ITSN1: variants seen among roughly 807,000 people sequenced by gnomAD.
The protein encoded by ITSN1 is intersectin 1.
A neutral mutation model predicts 239.8 loss-of-function variants in ITSN1; 58 were observed. The observed-to-expected ratio is 0.24, with a 90% confidence interval of 0.20 to 0.30. The LOEUF (loss-of-function observed/expected upper bound fraction) is 0.30, where lower values mean the gene tolerates loss of function less well. Ranked by LOEUF, ITSN1 falls within the 10% of genes least tolerant of loss-of-function variation. The pLI, the probability that ITSN1 is intolerant of heterozygous loss-of-function variation, is 1.00. For missense variants in ITSN1, 1,558 were observed against 2,103.3 expected (o/e 0.74, Z 5.07); for synonymous variants, 780 against 770.8 (o/e 1.01, Z -0.20).
intron 5 of ITSN1, among the ~76,000 whole-genome samples, chr21:33,740,588 A>G (rs2066783934): frequency 1.3e-5 from 2 of 152,172 alleles, no homozygotes; most frequent in African/African-American, 4.8e-5. Context: ...GTATAGTGAT[A>G]GGGACAAAAT....
intron 15 of ITSN1, 24 bp from the exon 16 acceptor site, chr21:33,781,970 C>T (rs748864846): frequency 1.3e-6 from 2 of 1,569,434 alleles, no homozygotes; most frequent in South Asian, 2.4e-5. Context: ...TTTTTCTTAT[C>T]TTTGCGACGT....
At chr21:33,770,467 T>A (rs1463496424) in intron 11 of ITSN1, among the ~76,000 whole-genome samples, 1 of 152,150 alleles carries the variant, frequency 6.6e-6, no homozygotes, top group Non-Finnish European at 1.5e-5. Flanking sequence ...AAACATTCAG[T>A]TCCTAACAAT....
intron 11 of ITSN1, among the ~76,000 whole-genome samples, chr21:33,771,604 G>A (rs1316691459): frequency 1.3e-5 from 2 of 152,202 alleles, no homozygotes; most frequent in Admixed American, 1.3e-4. Flanking sequence ...TCAGGGCACA[G>A]CTTGTTCTTC....
intron 36 of ITSN1, among the ~76,000 whole-genome samples, chr21:33,884,519 C>T (rs547726555): frequency 1.3e-5 from 2 of 152,118 alleles, no homozygotes; most frequent in East Asian, 1.9e-4. Flanking sequence ...AGAGCATTTG[C>T]ACCAAGCAAG....
At chr21:33,876,544 C>T (rs962429807) in intron 34 of ITSN1, among the ~76,000 whole-genome samples, 6 of 152,052 alleles carry the variant, frequency 3.9e-5, no homozygotes, top group African/African-American at 1.2e-4. Context: ...TGGTTTCTTT[C>T]TTGTATCTTG....
At chr21:33,749,717 G>A (rs1428472328) in intron 5 of ITSN1, among the ~76,000 whole-genome samples, 1 of 151,926 alleles carries the variant, frequency 6.6e-6, no homozygotes, top group African/African-American at 2.4e-5. Flanking sequence ...GTTTCCCTGA[G>A]GTATAATAAA....
chr21:33,878,037 T>C (rs1232187110), intron 34 of ITSN1, among the ~76,000 whole-genome samples: 1 of 150,804 alleles, frequency 6.6e-6, no homozygotes, highest in African/African-American at 2.4e-5. Flanking sequence ...TGTGTGTGTG[T>C]GTGTGTGTGT....
At chr21:33,764,768 A>T (rs2068604184) in intron 9 of ITSN1, among the ~76,000 whole-genome samples, 1 of 152,222 alleles carries the variant, frequency 6.6e-6, no homozygotes, top group African/African-American at 2.4e-5. Flanking sequence ...TTGACATTCT[A>T]GTGAATGGAT....
chr21:33,817,518 A>G, intron 22 of ITSN1: 2 of 1,304,490 alleles, frequency 1.5e-6, no homozygotes, highest in Non-Finnish European at 2.0e-6. Context: ...CCTTTTTAGT[A>G]TATTTCATTC....
intron 6 of ITSN1, among the ~76,000 whole-genome samples, chr21:33,751,264 C>T (rs767431725): frequency 2.6e-5 from 4 of 152,190 alleles, no homozygotes; most frequent in Non-Finnish European, 5.9e-5. Flanking sequence ...ACTAATGGCA[C>T]ATGTTGCAAG....
chr21:33,737,412 A>C (rs2066569086), intron 5 of ITSN1, among the ~76,000 whole-genome samples: 1 of 152,174 alleles, frequency 6.6e-6, no homozygotes, highest in African/African-American at 2.4e-5. Context: ...AGGATATCAG[A>C]ACATAGGAGA....
intron 29 of ITSN1, among the ~76,000 whole-genome samples, chr21:33,855,580 C>G (rs1377517827): frequency 1.3e-5 from 2 of 152,262 alleles, no homozygotes; most frequent in Non-Finnish European, 2.9e-5. Context: ...TCCCAAGAAC[C>G]AAGCCTCCCT....
chr21:33,874,178 A>AAAAAAAAG (rs750088086), intron 33 of ITSN1, among the ~76,000 whole-genome samples: 2 of 130,814 alleles, frequency 1.5e-5, no homozygotes, highest in Non-Finnish European at 1.6e-5. Context: ...AAAAAAAAAA[A>AAAAAAAAG]GAACATTTAT....
At chr21:33,802,366 G>A in intron 19 of ITSN1, 64 bp from the exon 20 acceptor site, 2 of 1,501,448 alleles carry the variant, frequency 1.3e-6, no homozygotes, top group East Asian at 2.3e-5. Flanking sequence ...TATGCTGTAA[G>A]AATAAAGCAT....
At chr21:33,811,360 C>T (rs1371175030) in intron 21 of ITSN1, 138 bp downstream of exon 21, 6 of 743,996 alleles carry the variant, frequency 8.1e-6, no homozygotes, top group Non-Finnish European at 1.3e-5. Context: ...ACTCCTTTCT[C>T]TAGCTGGCGA....
intron 28 of ITSN1, among the ~76,000 whole-genome samples, chr21:33,835,094 C>T (rs2074526064): frequency 6.6e-6 from 1 of 152,180 alleles, no homozygotes; most frequent in Admixed American, 6.5e-5. Flanking sequence ...TCTTGGTTGG[C>T]TTTTGTGGAA....
intron 1 of ITSN1, among the ~76,000 whole-genome samples, chr21:33,681,616 T>TTTTTATTTTATTTTATTTTATTTTA (rs147580027): frequency 7.5e-5 from 11 of 147,156 alleles, no homozygotes; most frequent in African/African-American, 2.5e-4. Flanking sequence ...TTGGAACCAG[T>TTTTTATTTTATTTTATTTTATTTTA]TTTTATTTTA....
chr21:33,846,115 C>T (rs1569295988), intron 29 of ITSN1, among the ~76,000 whole-genome samples: 2 of 152,186 alleles, frequency 1.3e-5, no homozygotes, highest in African/African-American at 2.4e-5. Context: ...TCTAGCCTCA[C>T]TCTGCTGTCC....
chr21:33,856,657 G>A, intron 29 of ITSN1, 79 bp from the exon 30 acceptor site: 1 of 1,597,838 alleles, frequency 6.3e-7, no homozygotes. Context: ...GGACCCAGCA[G>A]CCACGAGGAT....
Sources: allele counts gnomAD v4.1 joint callset (sites outside exome capture counted in the v4.1 genomes callset), GRCh38; gene constraint gnomAD v4.1.1; transcripts MANE v1.5; gene names NCBI Gene and HGNC (gene_info 2026-07-23, HGNC 2026-07-21).